The following DOK6 variants were observed in gnomAD, a reference collection of about 807,000 sequenced individuals.
The protein encoded by DOK6 is downstream of tyrosine kinase 6.
A neutral mutation model predicts 44.0 loss-of-function variants in DOK6; 22 were observed. The ratio of observed to expected loss-of-function variants is 0.50; its 90% CI spans 0.36 to 0.71. DOK6 has a LOEUF of 0.71. Among genes scored for constraint, DOK6 ranks in the 30% least tolerant of loss-of-function variants. The pLI, the probability that DOK6 is intolerant of heterozygous loss-of-function variation, is 0.00. For synonymous variants in DOK6, 166 were observed against 145.5 expected (o/e 1.14, Z -1.01); for missense variants, 340 against 416.4 (o/e 0.82, Z 1.60).
intron 7 of DOK6, among the ~76,000 whole-genome samples, chr18:69,806,838 T>C (rs1383312200): frequency 2.6e-5 from 4 of 152,000 alleles, no homozygotes; most frequent in Admixed American, 2.6e-4. Flanking sequence ...TTCTAAAATG[T>C]AAACACGATC....
intron 1 of DOK6, among the ~76,000 whole-genome samples, chr18:69,516,751 T>A (rs1314014461): frequency 6.6e-6 from 1 of 151,936 alleles, no homozygotes; most frequent in African/African-American, 2.4e-5. Flanking sequence ...TCTTGGCTCA[T>A]TGCAACCTCT....
chr18:69,780,866 C>T (rs922154399), intron 7 of DOK6, among the ~76,000 whole-genome samples: 5 of 152,016 alleles, frequency 3.3e-5, no homozygotes, highest in African/African-American at 1.2e-4. Flanking sequence ...TCTGTGTTTC[C>T]GTTCTCTTTG....
At chr18:69,769,590 A>ATT (rs1226862594) in intron 7 of DOK6, among the ~76,000 whole-genome samples, 3 of 152,144 alleles carry the variant, frequency 2.0e-5, no homozygotes, top group Non-Finnish European at 4.4e-5. Flanking sequence ...AAAAACCCAC[A>ATT]TTTTGTGCAA....
chr18:69,449,552 G>C (rs1292065554), intron 1 of DOK6, among the ~76,000 whole-genome samples: 1 of 152,180 alleles, frequency 6.6e-6, no homozygotes, highest in Non-Finnish European at 1.5e-5. Context: ...TATGAAAATA[G>C]CTGTGGAAGC....
At chr18:69,464,326 C>T (rs538687205) in intron 1 of DOK6, among the ~76,000 whole-genome samples, 2 of 152,288 alleles carry the variant, frequency 1.3e-5, no homozygotes, top group Non-Finnish European at 2.9e-5. Flanking sequence ...AGATTGTAAA[C>T]AGTGGAGTGG....
At chr18:69,687,153 G>A (rs2144693188) in intron 4 of DOK6, among the ~76,000 whole-genome samples, 1 of 152,142 alleles carries the variant, frequency 6.6e-6, no homozygotes, top group East Asian at 1.9e-4. Context: ...ATGAATCTAA[G>A]CCTAAAATTA....
intron 3 of DOK6, among the ~76,000 whole-genome samples, chr18:69,631,399 G>A (rs116681676): frequency 0.06 from 3,377 of 56,510 alleles, 104 homozygotes; most frequent in African/African-American, 0.097. Flanking sequence ...ATCAGATAAC[G>A]TGTGACCAGC....
intron 3 of DOK6, among the ~76,000 whole-genome samples, chr18:69,609,343 C>T (rs1984079775): frequency 6.6e-6 from 1 of 152,090 alleles, no homozygotes; most frequent in African/African-American, 2.4e-5. Context: ...ACAGAATAAA[C>T]ATCTTTCCAA....
intron 3 of DOK6, 103 bp downstream of exon 3, chr18:69,599,601 C>A (rs1983826869): frequency 2.4e-6 from 2 of 826,102 alleles, no homozygotes; most frequent in East Asian, 2.7e-5. Flanking sequence ...GGCCTACTGT[C>A]ATGAGAATGT....
At chr18:69,774,070 T>G (rs1411154050) in intron 7 of DOK6, among the ~76,000 whole-genome samples, 1 of 145,498 alleles carries the variant, frequency 6.9e-6, no homozygotes, top group African/African-American at 2.5e-5. Flanking sequence ...TATAGATATA[T>G]ATATATGAGA....
intron 3 of DOK6, among the ~76,000 whole-genome samples, chr18:69,670,910 G>A (rs17199569): frequency 0.34 from 52,286 of 151,846 alleles, 10,190 homozygotes; most frequent in East Asian, 0.71. Context: ...CCAAGTTGTC[G>A]GAAAGGATCC....
At chr18:69,494,711 T>C (rs1467948367) in intron 1 of DOK6, among the ~76,000 whole-genome samples, 1 of 152,242 alleles carries the variant, frequency 6.6e-6, no homozygotes, top group East Asian at 1.9e-4. Flanking sequence ...CAATGTATAA[T>C]CACAGTCTTA....
chr18:69,759,338 T>C (rs1487881363), intron 7 of DOK6, among the ~76,000 whole-genome samples: 3 of 152,206 alleles, frequency 2.0e-5, no homozygotes, highest in Non-Finnish European at 4.4e-5. Context: ...AGTATGCTTG[T>C]AATATAAGAT....
chr18:69,733,724 A>G (rs543811637), intron 5 of DOK6, among the ~76,000 whole-genome samples: 11 of 103,282 alleles, frequency 1.1e-4, no homozygotes, highest in African/African-American at 2.8e-4. Context: ...TACTTTTCAT[A>G]ATTTTTTCAT....
At chr18:69,801,971 GTCT>G (rs1212182500) in intron 7 of DOK6, among the ~76,000 whole-genome samples, 2 of 152,088 alleles carry the variant, frequency 1.3e-5, no homozygotes, top group Non-Finnish European at 2.9e-5. Flanking sequence ...TCAAATTTCA[GTCT>G]TCTTCTTTAA....
chr18:69,512,943 C>CGTTA (rs1488163595), intron 1 of DOK6, among the ~76,000 whole-genome samples: 7 of 152,038 alleles, frequency 4.6e-5, no homozygotes, highest in Admixed American at 4.6e-4. Flanking sequence ...TGTCACATTT[C>CGTTA]GTTAGTGTGA....
intron 1 of DOK6, among the ~76,000 whole-genome samples, chr18:69,410,145 A>T (rs1978299957): frequency 6.6e-6 from 1 of 152,262 alleles, no homozygotes; most frequent in South Asian, 2.1e-4. Context: ...ACAATTATTT[A>T]GCACTGTGAA....
At chr18:69,837,478 G>C (rs1416006207) in intron 7 of DOK6, among the ~76,000 whole-genome samples, 2 of 151,336 alleles carry the variant, frequency 1.3e-5, no homozygotes, top group African/African-American at 4.9e-5. Context: ...TGAAAATTAA[G>C]CTATCAACAC....
At chr18:69,589,919 CTTA>C (rs1274692883) in intron 2 of DOK6, among the ~76,000 whole-genome samples, 1 of 152,080 alleles carries the variant, frequency 6.6e-6, no homozygotes, top group African/African-American at 2.4e-5. Flanking sequence ...CAGGTAAAAT[CTTA>C]TTAACCTTTT....
Sources: gnomAD v4.1 joint callset for allele counts (sites outside exome capture counted in the v4.1 genomes callset) on GRCh38, gnomAD v4.1.1 for gene constraint, MANE v1.5 for transcripts, NCBI Gene and HGNC (gene_info 2026-07-23, HGNC 2026-07-21) for gene names.